The following TBC1D19 variants were observed in gnomAD, a reference collection of about 807,000 sequenced individuals.
TBC1D19 encodes TBC1 domain family member 19, also known as TBC1 domain family, member 19.
A neutral mutation model predicts 89.0 loss-of-function variants in TBC1D19; 60 were observed. The ratio of observed to expected loss-of-function variants is 0.67; its 90% CI spans 0.55 to 0.84. The LOEUF (loss-of-function observed/expected upper bound fraction) is 0.84, where lower values mean the gene tolerates loss of function less well. Ranked by LOEUF, TBC1D19 falls within the 40% of genes least tolerant of loss-of-function variation. The pLI, the probability that TBC1D19 is intolerant of heterozygous loss-of-function variation, is 0.00. For missense variants in TBC1D19, 500 were observed against 610.8 expected (o/e 0.82, Z 1.91); for synonymous variants, 189 against 199.7 (o/e 0.95, Z 0.45).
the TBC1D19 span, chr4:26,858,621 T>A: frequency 2.0e-5 from 3 of 152,298 alleles, no homozygotes; most frequent in East Asian, 5.8e-4. Flanking sequence ...AGGTTTATGC[T>A]GTGATGCACA....
chr4:26,580,243 GAGAGGTGGCAATC>G (rs1739040026), upstream of TBC1D19, among the ~76,000 whole-genome samples: 1 of 152,160 alleles, frequency 6.6e-6, no homozygotes, highest in Admixed American at 6.5e-5. Context: ...CCATTGTAAT[GAGAGGTGGCAATC>G]AGAAGCAGAA....
chr4:26,766,530 C>T, the TBC1D19 span, among the ~76,000 whole-genome samples: 1 of 152,176 alleles, frequency 6.6e-6, no homozygotes, highest in African/African-American at 2.4e-5. Flanking sequence ...CACCAGACAC[C>T]TATGCCATGT....
intron 4 of TBC1D19, among the ~76,000 whole-genome samples, chr4:26,623,546 C>T (rs888249059): frequency 2.0e-5 from 3 of 152,118 alleles, no homozygotes; most frequent in African/African-American, 7.2e-5. Context: ...TTTGTTGCCA[C>T]ATCTCTTTTT....
chr4:26,753,912 A>G (rs13145120), intron 20 of TBC1D19, 22 bp downstream of exon 20: 3 of 1,613,182 alleles, frequency 1.9e-6, no homozygotes, highest in Non-Finnish European at 1.7e-6. Flanking sequence ...TTTCACTCAG[A>G]TGGGATGGAA....
intron 7 of TBC1D19, among the ~76,000 whole-genome samples, chr4:26,644,566 T>C (rs1743782573): frequency 6.6e-6 from 1 of 152,224 alleles, no homozygotes; most frequent in African/African-American, 2.4e-5. Flanking sequence ...TTGGAAGTTC[T>C]GGCCATGGCA....
intron 7 of TBC1D19, among the ~76,000 whole-genome samples, chr4:26,657,937 T>C (rs188104050): frequency 5.1e-4 from 78 of 152,194 alleles, no homozygotes; most frequent in African/African-American, 1.3e-3. Context: ...GGGTTATTTG[T>C]ATTTTTCTTG....
At chr4:26,821,697 G>A in the TBC1D19 span, among the ~76,000 whole-genome samples, 1 of 152,222 alleles carries the variant, frequency 6.6e-6, no homozygotes, top group South Asian at 2.1e-4. Flanking sequence ...GTTCAATGGT[G>A]GGGCTGTCCT....
intron 13 of TBC1D19, among the ~76,000 whole-genome samples, chr4:26,697,431 G>T (rs1476385877): frequency 6.6e-6 from 1 of 152,140 alleles, no homozygotes; most frequent in Non-Finnish European, 1.5e-5. Context: ...TCTACCAGAG[G>T]TACAAGGAGG....
At chr4:26,792,329 AC>A in the TBC1D19 span, among the ~76,000 whole-genome samples, 2 of 152,328 alleles carry the variant, frequency 1.3e-5, no homozygotes, top group East Asian at 3.9e-4. Context: ...AGGGCAGATA[AC>A]AGCATTAGAT....
At chr4:26,784,357 C>T in the TBC1D19 span, among the ~76,000 whole-genome samples, 1 of 152,126 alleles carries the variant, frequency 6.6e-6, no homozygotes, top group Admixed American at 6.5e-5. Context: ...CTCTTTGTTC[C>T]ATAAGTCCAG....
At chr4:26,654,386 C>T (rs888233731) in intron 7 of TBC1D19, among the ~76,000 whole-genome samples, 14 of 152,138 alleles carry the variant, frequency 9.2e-5, no homozygotes, top group East Asian at 1.9e-4. Flanking sequence ...ATCTTTCTGG[C>T]GTTCTCTGTA....
chr4:26,800,725 G>A, the TBC1D19 span, among the ~76,000 whole-genome samples: 1 of 152,198 alleles, frequency 6.6e-6, no homozygotes, highest in African/African-American at 2.4e-5. Context: ...GTATCTCATT[G>A]TGGTTTTGAT....
chr4:26,617,660 C>T (rs1311010711), intron 3 of TBC1D19, among the ~76,000 whole-genome samples: 2 of 152,100 alleles, frequency 1.3e-5, no homozygotes, highest in African/African-American at 4.8e-5. Context: ...TTAGTCTTAG[C>T]CTTACTGTAT....
chr4:26,795,439 T>C, the TBC1D19 span, among the ~76,000 whole-genome samples: 2 of 152,238 alleles, frequency 1.3e-5, no homozygotes, highest in Non-Finnish European at 2.9e-5. Flanking sequence ...ACTTACTGTC[T>C]ATCTGCCTTC....
At chr4:26,778,443 G>T in the TBC1D19 span, among the ~76,000 whole-genome samples, 1 of 145,146 alleles carries the variant, frequency 6.9e-6, no homozygotes, top group Admixed American at 6.9e-5. Context: ...GAAAGAGAAG[G>T]GGAGGGAAGG....
chr4:26,836,960 T>C, the TBC1D19 span, among the ~76,000 whole-genome samples: 2 of 152,182 alleles, frequency 1.3e-5, no homozygotes, highest in Non-Finnish European at 2.9e-5. Flanking sequence ...TTGAAACATC[T>C]AGAGTGGGAG....
chr4:26,847,066 T>A, the TBC1D19 span, among the ~76,000 whole-genome samples: 1 of 152,332 alleles, frequency 6.6e-6, no homozygotes, highest in East Asian at 1.9e-4. Context: ...CCCCCTTTTT[T>A]TGGCAGAAAC....
At chr4:26,809,146 G>A in the TBC1D19 span, among the ~76,000 whole-genome samples, 1 of 152,164 alleles carries the variant, frequency 6.6e-6, no homozygotes, top group African/African-American at 2.4e-5. Flanking sequence ...GTAGAAGCTG[G>A]TCTGAATAGG....
In TBC1D19 at chr4:26,579,029, C is replaced by T. The variant is rs565833336; in HGVS notation, c.6+2232C>T. On this transcript the variant is annotated intron_variant, in intron 1 of 12. Transcript: ENST00000512840. The stretch of plus-strand genomic sequence containing the variant: ...AGGCCTCATTTTGCAATGGGTTAGC[C>T]TTATTTGTGTTTACCTTTCAAAATG... 1.2e-4 allele frequency among the ~76,000 whole-genome samples: 19 copies of T among 152,204 alleles called. 1 individual carries two copies. In the South Asian group the frequency reaches 2.3e-3, roughly 18 times the overall value.
Sources: gnomAD v4.1 joint callset for allele counts (sites outside exome capture counted in the v4.1 genomes callset) on GRCh38, gnomAD v4.1.1 for gene constraint, MANE v1.5 for transcripts, NCBI Gene and HGNC (gene_info 2026-07-23, HGNC 2026-07-21) for gene names.